The following TMEM179 variants were observed in gnomAD, a reference collection of about 807,000 sequenced individuals.
TMEM179 encodes the protein transmembrane protein 179A.
A neutral mutation model predicts 22.2 loss-of-function variants in TMEM179; 17 were observed. The ratio of observed to expected loss-of-function variants is 0.77; its 90% CI spans 0.52 to 1.15. The LOEUF (loss-of-function observed/expected upper bound fraction) is 1.15, where lower values mean the gene tolerates loss of function less well. Ranked by LOEUF, TMEM179 falls within the 50% of genes most tolerant of loss-of-function variation. TMEM179 has a pLI of 0.00. For synonymous variants in TMEM179, 127 were observed against 140.5 expected (o/e 0.90, Z 0.68); for missense variants, 265 against 313.6 (o/e 0.84, Z 1.17).
At chr14:104,600,765 C>A (rs951765903) in intron 1 of TMEM179, among the ~76,000 whole-genome samples, 6 of 152,190 alleles carry the variant, frequency 3.9e-5, no homozygotes, top group Non-Finnish European at 8.8e-5. Flanking sequence ...ATGAAAGACA[C>A]CCCCATAGGA....
In TMEM179 at chr14:104,595,920, G is replaced by C. The variant is rs1566743042; in HGVS notation, c.444-677C>G. The stretch of plus-strand genomic sequence containing the variant: ...GGGGGCCCAGCGGCCCCAAATCCCT[G>C]GAGGGGCTGAAGGGCTGGAAACAGT... On this transcript the variant is annotated intron_variant, in intron 2 of 3. Coordinates refer to ENST00000556573, the MANE Select transcript of TMEM179 (RefSeq NM_001286389.2). The surrounding 1 kb of genome is among the most constrained non-coding windows in gnomAD (Gnocchi z 5.7). Among the ~76,000 whole-genome samples, 2 of 152,390 alleles carry C rather than the reference G, an allele frequency of 1.3e-5. No individual in the cohort carries two copies. The highest frequency in any genetic ancestry group is 3.9e-4 in the East Asian group (2 of 5,190).
At position 104,604,556 on chromosome 14, in the gene TMEM179, C is replaced by A; in HGVS notation, c.186G>T (p.Val62=). 6.5e-7 allele frequency: 1 copy of A among 1,533,820 alleles called. No homozygotes were observed. Among genetic ancestry groups the A allele is most frequent in the East Asian group, 2.5e-5 (1 of 39,426 alleles). ...LTVQERERFT[V]QEWGPPAACR... ...AGGCGGCCGGCGGGCCCCACTCCTG[C>A]ACCGTGAAGCGCTCGCGCTCCTGCA... The change falls in exon 1 of 4, where the codon GTG becomes GTT. Residue 62 remains valine (V), a synonymous_variant. Coordinates refer to ENST00000556573, the MANE Select transcript of TMEM179 (RefSeq NM_001286389.2). The surrounding 1 kb of genome is among the most constrained non-coding windows in gnomAD (Gnocchi z 4.6).
At chr14:104,600,585 TTCATTCATTCATTCATTCATTCATTTAC>T (rs1887203486) in intron 1 of TMEM179, among the ~76,000 whole-genome samples, 2 of 118,988 alleles carry the variant, frequency 1.7e-5, no homozygotes, top group Admixed American at 1.6e-4. Context: ...CATTCATCCA[TTCATTCATTCATTCATTCATTCATTTAC>T]TCATTCATTC....
intron 3 of TMEM179, chr14:104,594,628 C>T: frequency 8.2e-7 from 1 of 1,226,624 alleles, no homozygotes; most frequent in East Asian, 3.2e-5. Flanking sequence ...CATCGCCCTC[C>T]ACCAAGTCTC....
Position 104,594,704 on chromosome 14 carries a change from C to T in TMEM179, c.522+461G>A, listed in dbSNP as rs537285556. On this transcript the variant is annotated intron_variant, in intron 3 of 3. Coordinates refer to ENST00000556573, the MANE Select transcript of TMEM179 (RefSeq NM_001286389.2). ...CAAATCTGAATTCACAAGTGGGATC[C>T]CCTGCCTCCTTCCTTGGACTCTGTA... is the stretch of plus-strand genomic sequence containing the variant. The T allele has an allele frequency of 1.4e-3, 1,680 of 1,175,156 alleles. 3 individuals carry two copies. The highest frequency in any genetic ancestry group is 2.6e-3 in the Admixed American group (56 of 21,880). 72.8% of individuals were successfully genotyped at this position (1,175,156 alleles called of 1,614,324 possible).
Position 104,604,572 on chromosome 14 carries a change from CG to C in TMEM179, c.169del (p.Arg57AlafsTer53). 3 of 1,531,516 alleles carry C rather than the reference CG, an allele frequency of 2.0e-6. No individual in the cohort carries two copies. Among genetic ancestry groups the C allele is most frequent in the Non-Finnish European group, 2.6e-6 (3 of 1,143,068 alleles). The allele number at this position is 1,531,516 out of a possible 1,614,324, so 94.9% of individuals were successfully genotyped here. On this transcript the variant is annotated frameshift_variant, in exon 1 of 4. Coordinates refer to ENST00000556573, the MANE Select transcript of TMEM179 (RefSeq NM_001286389.2). LOFTEE classifies it high-confidence loss of function. The surrounding 1 kb of genome is among the most constrained non-coding windows in gnomAD (Gnocchi z 4.6). ...WLSANLTVQE[R>X]ERFTVQEWGP... ...CCACTCCTGCACCGTGAAGCGCTCG[CG>C]CTCCTGCACCGTGAGGTTGGCGCTC...
In TMEM179 at chr14:104,593,298, C is replaced by G. The variant is rs992258012; in HGVS notation, c.*181G>C. ...AGGGAGCCGGCACCCACCCAGTCCA[C>G]TGCCAGGCTCACAGGTGGGCACTGG... On this transcript the variant is annotated 3_prime_UTR_variant, in exon 4 of 4. Transcript: ENST00000556573. 1.4e-6 allele frequency: 1 copy of G among 711,018 alleles called. No homozygotes were observed. Among genetic ancestry groups the G allele is most frequent in the Non-Finnish European group, 2.3e-6 (1 of 431,108 alleles). The allele number at this position is 711,018 out of a possible 1,614,324, so 44.0% of individuals were successfully genotyped here.
Position 104,604,715 on chromosome 14 carries a change from A to G in TMEM179, c.27T>C (p.Ala9=). 1 of 1,584,756 alleles carries G rather than the reference A, an allele frequency of 6.3e-7. No individual in the cohort carries two copies. Among genetic ancestry groups the G allele is most frequent in the Non-Finnish European group, 8.6e-7 (1 of 1,167,696 alleles). MALNNFLF[A]QCACYFLAFL... Reference sequence around the variant, plus strand: ...AGGCCAAGAAGTAGCAGGCGCACTGAGCGAAAAGGAAATTGTTGAGCGCCA... The same window carrying G: ...AGGCCAAGAAGTAGCAGGCGCACTGGGCGAAAAGGAAATTGTTGAGCGCCA... The change falls in exon 1 of 4, where the codon GCT becomes GCC. Residue 9 remains alanine, a synonymous_variant. Coordinates refer to ENST00000556573, the MANE Select transcript of TMEM179 (RefSeq NM_001286389.2). This position sits in a 1 kb window ranked among gnomAD's most constrained non-coding sequence, Gnocchi z 4.6.
chr14:104,595,111 T>C lies in TMEM179; in HGVS notation c.522+54A>G, dbSNP rs1241300948. 1.2e-6 allele frequency: 2 copies of C among 1,611,368 alleles called. No homozygotes were observed. Among genetic ancestry groups the C allele is most frequent in the Admixed American group, 1.7e-5 (1 of 59,762 alleles). ...GGAGAGCTCAGCAAATGTCCAGCAG[T>C]AAATGGCCCCCTCCCAGCATTGCAA... On this transcript the variant is annotated intron_variant, in intron 3 of 3. Coordinates refer to ENST00000556573, the MANE Select transcript of TMEM179 (RefSeq NM_001286389.2). The surrounding 1 kb of genome is among the most constrained non-coding windows in gnomAD (Gnocchi z 5.7).
chr14:104,600,582 C>CCATT (rs555646900), intron 1 of TMEM179, among the ~76,000 whole-genome samples: 3,737 of 146,118 alleles, frequency 0.026, 129 homozygotes, highest in African/African-American at 0.085. Context: ...ATTCATTCAT[C>CCATT]CATTCATTCA....
At position 104,604,295 on chromosome 14, in the gene TMEM179, G is replaced by C; in HGVS notation, c.305+142C>G. On this transcript the variant is annotated intron_variant, in intron 1 of 3. Transcript: ENST00000556573. This position sits in a 1 kb window ranked among gnomAD's most constrained non-coding sequence, Gnocchi z 4.6. ...GTAGACAAAGGGCGGTCTGAGTGGA[G>C]GGGGTGAGGGCGGATTGTTGACATT... The C allele has an allele frequency of 1.1e-6, 1 of 903,656 alleles. No individual in the cohort carries two copies. The highest frequency in any genetic ancestry group is 1.6e-6 in the Non-Finnish European group (1 of 634,164). The allele number at this position is 903,656 out of a possible 1,614,324, so 56.0% of individuals were successfully genotyped here.
At chr14:104,594,723 C>T (rs1159139946) in intron 3 of TMEM179, 2 of 1,153,914 alleles carry the variant, frequency 1.7e-6, no homozygotes, top group African/African-American at 3.2e-5. Flanking sequence ...CTTCCTTGGA[C>T]TCTGTATCAG....
rs1887343567 is a variant in TMEM179 at position 104,604,306 on chromosome 14, C to G, written c.305+131G>C. On this transcript the variant is annotated intron_variant, in intron 1 of 3. Coordinates refer to ENST00000556573, the MANE Select transcript of TMEM179 (RefSeq NM_001286389.2). This position sits in a 1 kb window ranked among gnomAD's most constrained non-coding sequence, Gnocchi z 4.6. Reference sequence around the variant, plus strand: ...GCGGTCTGAGTGGAGGGGGTGAGGGCGGATTGTTGACATTTGCGGGCCTCG... The same window carrying G: ...GCGGTCTGAGTGGAGGGGGTGAGGGGGGATTGTTGACATTTGCGGGCCTCG... 9.8e-7 allele frequency: 1 copy of G among 1,015,302 alleles called. No homozygotes were observed. The highest frequency in any genetic ancestry group is 1.8e-5 in the South Asian group (1 of 56,556). 62.9% of individuals were successfully genotyped at this position (1,015,302 alleles called of 1,614,324 possible).
Position 104,601,570 on chromosome 14 carries a change from ACAAGCCGTCTGC to A in TMEM179, c.305+2855_305+2866del, listed in dbSNP as rs577270067. Among the ~76,000 whole-genome samples the A allele has an allele frequency of 5.8e-4, 89 of 152,256 alleles. 1 individual carries two copies. The East Asian group carries it at 0.017, about 29-fold the overall frequency. On this transcript the variant is annotated intron_variant, in intron 1 of 3. Coordinates refer to ENST00000556573, the MANE Select transcript of TMEM179 (RefSeq NM_001286389.2). ...TGACACGTTTGACAGATGTCACCCC[ACAAGCCGTCTGC>A]CAATGGACTGTGCAGTGCATGAGGT...
At chr14:104,596,614 G>A (rs1002782497) in intron 2 of TMEM179, among the ~76,000 whole-genome samples, 1 of 152,164 alleles carries the variant, frequency 6.6e-6, no homozygotes, top group Non-Finnish European at 1.5e-5. Flanking sequence ...CCGGCTGTGT[G>A]GCCACACCGA....
At chr14:104,593,696 G>A (rs1002147854) in intron 3 of TMEM179, 38 bp from the exon 4 acceptor site, 3 of 1,438,112 alleles carry the variant, frequency 2.1e-6, no homozygotes, top group Non-Finnish European at 2.7e-6. Context: ...AAGCCGTTGG[G>A]GGTCCGCTGT....
In TMEM179 at chr14:104,597,152, G is replaced by C. The variant is rs1298984802; in HGVS notation, c.306-25C>G. 1.9e-6 allele frequency: 3 copies of C among 1,564,500 alleles called. No homozygotes were observed. Among genetic ancestry groups the C allele is most frequent in the Non-Finnish European group, 2.6e-6 (3 of 1,156,890 alleles). Reference sequence around the variant, plus strand: ...GCTGCAGCCAGAAACAGGAGGGGCAGGCTCACTGGACACCACCTCCCAGGC... The same window carrying C: ...GCTGCAGCCAGAAACAGGAGGGGCACGCTCACTGGACACCACCTCCCAGGC... On this transcript the variant is annotated intron_variant, in intron 1 of 3. Coordinates refer to ENST00000556573, the MANE Select transcript of TMEM179 (RefSeq NM_001286389.2). The surrounding 1 kb of genome is among the most constrained non-coding windows in gnomAD (Gnocchi z 4.8).
In TMEM179 at chr14:104,597,164, A is replaced by G. The variant is rs754930189; in HGVS notation, c.306-37T>C. ...AACAGGAGGGGCAGGCTCACTGGACACCACCTCCCAGGCGACCCCCGCCCC... is the reference window on the plus strand; with the variant it reads ...AACAGGAGGGGCAGGCTCACTGGACGCCACCTCCCAGGCGACCCCCGCCCC... On this transcript the variant is annotated intron_variant, in intron 1 of 3. Transcript: ENST00000556573. This position sits in a 1 kb window ranked among gnomAD's most constrained non-coding sequence, Gnocchi z 4.8. 6.5e-7 allele frequency: 1 copy of G among 1,548,184 alleles called. No individual in the cohort carries two copies. The highest frequency in any genetic ancestry group is 1.2e-5 in the South Asian group (1 of 84,170).
At position 104,595,083 on chromosome 14, in the gene TMEM179, G is replaced by T. The variant is rs757795061; in HGVS notation, c.522+82C>A. ...CAGGAGCCTGCCTCCTCCTCTGGATGGGGGAGAGCTCAGCAAATGTCCAGC... is the reference window on the plus strand; with the variant it reads ...CAGGAGCCTGCCTCCTCCTCTGGATTGGGGAGAGCTCAGCAAATGTCCAGC... On this transcript the variant is annotated intron_variant, in intron 3 of 3. Coordinates refer to ENST00000556573, the MANE Select transcript of TMEM179 (RefSeq NM_001286389.2). This position sits in a 1 kb window ranked among gnomAD's most constrained non-coding sequence, Gnocchi z 5.7. 2 of 1,601,794 alleles carry T rather than the reference G, an allele frequency of 1.2e-6. No homozygotes were observed. The highest frequency in any genetic ancestry group is 8.5e-7 in the Non-Finnish European group (1 of 1,172,992).
Sources: gnomAD v4.1 joint callset for allele counts (sites outside exome capture counted in the v4.1 genomes callset) on GRCh38, gnomAD v4.1.1 for gene constraint, Gnocchi (gnomAD v3.1) non-coding constraint, MANE v1.5 for transcripts, NCBI Gene and HGNC (gene_info 2026-07-23, HGNC 2026-07-21) for gene names.